The following TTK variants were observed in gnomAD, a reference collection of about 807,000 sequenced individuals.
The protein encoded by TTK is TTK protein kinase.
TTK carries 59 observed loss-of-function variants against 117.3 expected under a neutral mutation model. That is an observed-to-expected ratio of 0.50 (90% CI 0.41 to 0.62). TTK has a LOEUF of 0.62. TTK is among the 20% of genes least tolerant of loss of function. TTK has a pLI of 0.00. For synonymous variants in TTK, 302 were observed against 325.0 expected (o/e 0.93, Z 0.76); for missense variants, 921 against 989.4 (o/e 0.93, Z 0.93).
chr6:80,006,207 T>G (rs886535856), intron 2 of TTK: 6 of 532,462 alleles, frequency 1.1e-5, no homozygotes, highest in Non-Finnish European at 2.1e-5. Context: ...TATTGAACAA[T>G]GATTAATGGG....
At position 80,017,234 on chromosome 6, in the gene TTK, G is replaced by A. The variant is rs569677616; in HGVS notation, c.1108+2648G>A. On this transcript the variant is annotated intron_variant, in intron 10 of 21. Coordinates refer to ENST00000369798, the MANE Select transcript of TTK (RefSeq NM_003318.5). Reference sequence around the variant, plus strand: ...CCTGTTGTAAATTAGGTGATTCTATGTATGGTGTCTGGCTTTGGATTCTTT... The same window carrying A: ...CCTGTTGTAAATTAGGTGATTCTATATATGGTGTCTGGCTTTGGATTCTTT... Among the ~76,000 whole-genome samples, 8 of 152,250 alleles carry A rather than the reference G, an allele frequency of 5.3e-5. No individual in the cohort carries two copies. In the South Asian group the frequency reaches 1.7e-3, roughly 32 times the overall value.
chr6:80,011,309 C>T (rs773538612), intron 5 of TTK, 125 bp from the exon 6 acceptor site: 24 of 596,730 alleles, frequency 4.0e-5, no homozygotes, highest in Non-Finnish European at 6.5e-5. Context: ...TTCATGTCTG[C>T]ATATCTTACT....
At chr6:80,034,798 G>A (rs1333099011) in intron 14 of TTK, among the ~76,000 whole-genome samples, 187 bp from the exon 15 acceptor site, 1 of 152,060 alleles carries the variant, frequency 6.6e-6, no homozygotes, top group Non-Finnish European at 1.5e-5. Flanking sequence ...CATTGGGAAT[G>A]GACTGTTACT....
intron 5 of TTK, 86 bp from the exon 6 acceptor site, chr6:80,011,348 T>A: frequency 1.1e-6 from 1 of 943,974 alleles, no homozygotes; most frequent in Non-Finnish European, 1.5e-6. Flanking sequence ...ATGAATTGAC[T>A]TTTAAAATAT....
intron 4 of TTK, among the ~76,000 whole-genome samples, chr6:80,009,309 G>A (rs1042642160): frequency 2.0e-5 from 3 of 152,010 alleles, no homozygotes; most frequent in Admixed American, 1.3e-4. Flanking sequence ...GTATTCCCCA[G>A]GATTGAGCCT....
chr6:80,040,157 C>A, intron 19 of TTK, 39 bp from the exon 20 acceptor site: 2 of 1,457,984 alleles, frequency 1.4e-6, no homozygotes, highest in Non-Finnish European at 1.8e-6. Flanking sequence ...ATATGAAAAC[C>A]TGCTTTGTTT....
intron 8 of TTK, among the ~76,000 whole-genome samples, chr6:80,012,506 C>G (rs760699205): frequency 3.9e-5 from 6 of 151,918 alleles, no homozygotes; most frequent in Non-Finnish European, 7.4e-5. Flanking sequence ...TGTTTATTCC[C>G]TGTTAAGAAA....
rs915871927 is a variant in TTK at position 80,023,185 on chromosome 6, A to G, written c.1257+713A>G. On this transcript the variant is annotated intron_variant, in intron 11 of 21. Coordinates refer to ENST00000369798, the MANE Select transcript of TTK (RefSeq NM_003318.5). ...GGTTCTCAAACATTTGGCCTTTTAT[A>G]CTCTTAATTATCAGTGCCCCTAAAG... 2.6e-5 allele frequency among the ~76,000 whole-genome samples: 4 copies of G among 152,018 alleles called. 1 individual carries two copies. The highest frequency in any genetic ancestry group is 9.7e-5 in the African/African-American group (4 of 41,406).
intron 21 of TTK, among the ~76,000 whole-genome samples, chr6:80,041,611 C>G (rs1768050495): frequency 6.6e-6 from 1 of 151,320 alleles, no homozygotes; most frequent in Non-Finnish European, 1.5e-5. Context: ...GTTGTATGTT[C>G]CTTGAGGGCA....
In TTK at chr6:80,013,228, A is replaced by T. The variant is rs758895294; in HGVS notation, c.897-51A>T. The T allele has an allele frequency of 8.9e-5, 124 of 1,394,006 alleles. No homozygotes were observed. In the East Asian group the frequency reaches 1.4e-3, roughly 16 times the overall value. 86.4% of individuals were successfully genotyped at this position (1,394,006 alleles called of 1,614,324 possible). A position where few individuals can be genotyped will look rare whatever the true frequency, so the allele number is the denominator to read the frequency against. ...CTTGAGATGAAAAAATACATTGAAA[A>T]TTTTTTTTTTCAAATTTAATGTTAA... On this transcript the variant is annotated intron_variant, in intron 8 of 21. Transcript: ENST00000369798.
At position 80,039,859 on chromosome 6, in the gene TTK, A is replaced by G. The variant is rs1377756474; in HGVS notation, c.2294A>G (p.Gln765Arg). The G allele has an allele frequency of 6.4e-7, 1 of 1,572,068 alleles. No individual in the cohort carries two copies. Among genetic ancestry groups the G allele is most frequent in the East Asian group, 2.3e-5 (1 of 43,376 alleles). The change falls in exon 19 of 22, where the codon CAA (glutamine) becomes CGA (arginine). Residue 765 changes from glutamine (Q) to arginine (R), a missense_variant. Gln to Arg is a conservative substitution (Grantham distance 43). Coordinates refer to ENST00000369798, the MANE Select transcript of TTK (RefSeq NM_003318.5). ...EFPDIPEKDL[Q>R]DVLKCCLKRD... ...CCCGATATTCCAGAGAAAGATCTTC[A>G]AGATGTGTTAAAGGTAATATTAATT...
Position 80,004,663 on chromosome 6 carries a change from G to A in TTK, c.-53G>A, listed in dbSNP as rs939015615. On this transcript the variant is annotated 5_prime_UTR_variant, in exon 1 of 22. Coordinates refer to ENST00000369798, the MANE Select transcript of TTK (RefSeq NM_003318.5). Reference sequence around the variant, plus strand: ...ACGGGGAAATTCAAACGTGTTTGCGGAAAGGAGTTTGGGTTCCATCTTTTC... The same window carrying A: ...ACGGGGAAATTCAAACGTGTTTGCGAAAAGGAGTTTGGGTTCCATCTTTTC... 6.6e-6 allele frequency: 1 copy of A among 152,280 alleles called. No homozygotes were observed. The highest frequency in any genetic ancestry group is 2.4e-5 in the African/African-American group (1 of 41,470). 9.4% of individuals were successfully genotyped at this position (152,280 alleles called of 1,614,324 possible).
intron 10 of TTK, among the ~76,000 whole-genome samples, chr6:80,018,367 G>T (rs1008705052): frequency 6.6e-6 from 1 of 151,890 alleles, no homozygotes. Context: ...TGTAATCCCA[G>T]CACTTTGGGA....
At chr6:80,009,756 G>T (rs1382645737) in intron 4 of TTK, among the ~76,000 whole-genome samples, 1 of 152,072 alleles carries the variant, frequency 6.6e-6, no homozygotes, top group Non-Finnish European at 1.5e-5. Flanking sequence ...TTTGAGCACA[G>T]TTGATGGCTT....
chr6:80,011,717 C>G lies in TTK; in HGVS notation c.729-12C>G, dbSNP rs1458439015. The G allele has an allele frequency of 1.2e-6, 2 of 1,611,172 alleles. No individual in the cohort carries two copies. Among genetic ancestry groups the G allele is most frequent in the Non-Finnish European group, 1.7e-6 (2 of 1,178,598 alleles). On this transcript the variant is annotated splice_polypyrimidine_tract_variant and intron_variant, in intron 6 of 21. Transcript: ENST00000369798. ...TTCTTTGAAAAATTGGGGGTATTTTCTTTCTGTTTAGAGAGAACATGCCAC... is the reference window on the plus strand; with the variant it reads ...TTCTTTGAAAAATTGGGGGTATTTTGTTTCTGTTTAGAGAGAACATGCCAC...
At chr6:80,014,395 T>C (rs1767248328) in intron 9 of TTK, 68 bp from the exon 10 acceptor site, 3 of 1,420,770 alleles carry the variant, frequency 2.1e-6, no homozygotes, top group Non-Finnish European at 2.8e-6. Flanking sequence ...CTTTAGTATA[T>C]TGAACAGTAA....
intron 16 of TTK, among the ~76,000 whole-genome samples, 182 bp downstream of exon 16, chr6:80,035,599 A>G (rs1767885185): frequency 1.3e-5 from 2 of 152,116 alleles, no homozygotes; most frequent in African/African-American, 2.4e-5. Flanking sequence ...CGTTAACCCA[A>G]AGGATATAGG....
chr6:80,040,526 T>G, intron 20 of TTK, 80 bp from the exon 21 acceptor site: 1 of 1,233,100 alleles, frequency 8.1e-7, no homozygotes, highest in Non-Finnish European at 1.1e-6. Context: ...TATCACTTTG[T>G]GCTATTAAAC....
chr6:80,013,846 TC>T (rs1302370922), intron 9 of TTK, among the ~76,000 whole-genome samples: 2 of 151,902 alleles, frequency 1.3e-5, no homozygotes, highest in Non-Finnish European at 2.9e-5. Context: ...TAATTTTAGT[TC>T]CTGGTACACT....
Sources: allele counts gnomAD v4.1 joint callset (sites outside exome capture counted in the v4.1 genomes callset), GRCh38; gene constraint gnomAD v4.1.1; transcripts MANE v1.5; gene names NCBI Gene and HGNC (gene_info 2026-07-23, HGNC 2026-07-21).